The following MARCHF1 variants were observed in gnomAD, a reference collection of about 807,000 sequenced individuals.
MARCHF1 encodes the protein membrane associated ring-CH-type finger 1.
In MARCHF1, 40 loss-of-function variants were observed where a neutral mutation model predicts 54.2. That is an observed-to-expected ratio of 0.74 (90% CI 0.57 to 0.96). The LOEUF (loss-of-function observed/expected upper bound fraction) is 0.96, where lower values mean the gene tolerates loss of function less well. MARCHF1 is among the 40% of genes least tolerant of loss of function. The pLI, the probability that MARCHF1 is intolerant of heterozygous loss-of-function variation, is 0.00. For missense variants in MARCHF1, 586 were observed against 656.5 expected (o/e 0.89, Z 1.17); for synonymous variants, 236 against 236.3 (o/e 1.00, Z 0.01).
chr4:163,597,073 A>C (rs1350444164), intron 7 of MARCHF1, among the ~76,000 whole-genome samples: 1 of 152,116 alleles, frequency 6.6e-6, no homozygotes, highest in East Asian at 1.9e-4. Flanking sequence ...CTCCTGTCTC[A>C]GTTTCCAGAG....
chr4:164,225,120 T>G (rs947096065), intron 1 of MARCHF1, among the ~76,000 whole-genome samples: 1 of 152,042 alleles, frequency 6.6e-6, no homozygotes, highest in Non-Finnish European at 1.5e-5. Flanking sequence ...CACAATCTAC[T>G]CTGGACCAGA....
intron 4 of MARCHF1, among the ~76,000 whole-genome samples, chr4:163,795,251 T>G (rs1579292696): frequency 6.6e-6 from 1 of 152,264 alleles, no homozygotes; most frequent in East Asian, 1.9e-4. Context: ...TTTTTTGAGA[T>G]GAAGTCTCAC....
intron 3 of MARCHF1, among the ~76,000 whole-genome samples, chr4:163,960,889 A>C (rs1752333741): frequency 6.6e-6 from 1 of 151,530 alleles, no homozygotes; most frequent in Non-Finnish European, 1.5e-5. Flanking sequence ...CTAGACGTCC[A>C]AAATCAAGGT....
intron 5 of MARCHF1, among the ~76,000 whole-genome samples, chr4:163,668,032 C>T (rs2111119835): frequency 6.6e-6 from 1 of 152,288 alleles, no homozygotes; most frequent in Non-Finnish European, 1.5e-5. Context: ...GTCCCTATCA[C>T]AATCTGCCAG....
intron 5 of MARCHF1, among the ~76,000 whole-genome samples, chr4:163,663,701 G>A (rs116245822): frequency 0.032 from 4,822 of 152,080 alleles, 115 homozygotes; most frequent in South Asian, 0.055. Context: ...CCAACATGCT[G>A]TGTCCCCAGA....
chr4:164,110,146 ACACAC>A (rs1755804202), intron 2 of MARCHF1, among the ~76,000 whole-genome samples: 2 of 151,272 alleles, frequency 1.3e-5, no homozygotes, highest in Non-Finnish European at 3.0e-5. Flanking sequence ...ACACACACAC[ACACAC>A]ACACACAGGT....
chr4:164,098,089 G>T (rs1284373293), intron 2 of MARCHF1, among the ~76,000 whole-genome samples: 3 of 152,052 alleles, frequency 2.0e-5, no homozygotes, highest in Admixed American at 6.6e-5. Context: ...GCTGACATGA[G>T]TTACAACCCA....
At chr4:163,797,734 T>C (rs2110961341) in intron 4 of MARCHF1, among the ~76,000 whole-genome samples, 1 of 152,218 alleles carries the variant, frequency 6.6e-6, no homozygotes, top group East Asian at 1.9e-4. Flanking sequence ...TCTTTCCAAG[T>C]GTGTTGGTCT....
intron 3 of MARCHF1, among the ~76,000 whole-genome samples, chr4:163,979,077 T>G (rs2110861349): frequency 7.0e-6 from 1 of 142,608 alleles, no homozygotes; most frequent in Non-Finnish European, 1.5e-5. Context: ...TTGTGCAGCT[T>G]AGTTACATAT....
intron 2 of MARCHF1, among the ~76,000 whole-genome samples, chr4:164,051,838 G>A (rs1055331019): frequency 3.3e-5 from 5 of 152,056 alleles, no homozygotes; most frequent in Non-Finnish European, 5.9e-5. Context: ...AGATTTAACC[G>A]GATTCCTTTA....
intron 2 of MARCHF1, among the ~76,000 whole-genome samples, chr4:164,040,583 G>A (rs1229411526): frequency 6.6e-6 from 1 of 151,426 alleles, no homozygotes; most frequent in African/African-American, 2.4e-5. Context: ...GGAAATGAAT[G>A]TGTGTTGATG....
At chr4:163,949,923 C>G (rs986203022) in intron 3 of MARCHF1, among the ~76,000 whole-genome samples, 1 of 152,166 alleles carries the variant, frequency 6.6e-6, no homozygotes, top group African/African-American at 2.4e-5. Flanking sequence ...GGAGACCCAA[C>G]GTGGGTACCC....
In MARCHF1 at chr4:163,619,246, G is replaced by C. The variant is rs112982809; in HGVS notation, c.163-5853C>G. On this transcript the variant is annotated intron_variant, in intron 5 of 9. Coordinates refer to ENST00000514618, the MANE Select transcript of MARCHF1 (RefSeq NM_001394959.1). ...CTTATTAAATCTGGGTACTAGAAAG[G>C]TCATTTTGGCAGCTGAGAATTGGAA... 3.9e-4 allele frequency among the ~76,000 whole-genome samples: 60 copies of C among 152,274 alleles called. 1 individual carries two copies. The highest frequency in any genetic ancestry group is 1.4e-3 in the African/African-American group (58 of 41,554).
chr4:164,041,074 A>G (rs1754119052), intron 2 of MARCHF1, among the ~76,000 whole-genome samples: 1 of 152,158 alleles, frequency 6.6e-6, no homozygotes, highest in South Asian at 2.1e-4. Context: ...TAATGGAATC[A>G]TAATATAACA....
At chr4:164,181,205 C>A (rs1246089348) in intron 1 of MARCHF1, among the ~76,000 whole-genome samples, 8 of 152,154 alleles carry the variant, frequency 5.3e-5, no homozygotes, top group Non-Finnish European at 1.2e-4. Context: ...GTGAACACGT[C>A]CTCTGCCTAA....
intron 8 of MARCHF1, among the ~76,000 whole-genome samples, chr4:163,568,640 G>A (rs1017492791): frequency 5.3e-5 from 8 of 152,124 alleles, no homozygotes; most frequent in Non-Finnish European, 7.4e-5. Context: ...TTCTTCAGGA[G>A]CTGAGTGGCT....
intron 7 of MARCHF1, among the ~76,000 whole-genome samples, chr4:163,600,878 A>C (rs1740941613): frequency 2.0e-5 from 3 of 152,148 alleles, no homozygotes; most frequent in Non-Finnish European, 4.4e-5. Context: ...TCCGTCGCCA[A>C]ACACAGACAC....
intron 3 of MARCHF1, among the ~76,000 whole-genome samples, chr4:163,950,258 G>A (rs1381370461): frequency 1.3e-5 from 2 of 152,112 alleles, no homozygotes; most frequent in Admixed American, 6.5e-5. Context: ...CCTTAGCCCC[G>A]CCCTTGGACT....
At chr4:163,723,581 G>A (rs6830216) in intron 4 of MARCHF1, among the ~76,000 whole-genome samples, 3,774 of 152,188 alleles carry the variant, frequency 0.025, 158 homozygotes, top group African/African-American at 0.085. Flanking sequence ...GCCTTGCTAG[G>A]TTGGGGAAGT....
Sources: allele counts gnomAD v4.1 joint callset (sites outside exome capture counted in the v4.1 genomes callset), GRCh38; gene constraint gnomAD v4.1.1; transcripts MANE v1.5; gene names NCBI Gene and HGNC (gene_info 2026-07-23, HGNC 2026-07-21).